The following LARP1B variants were observed in gnomAD, a reference collection of about 807,000 sequenced individuals.
LARP1B encodes La ribonucleoprotein 1B.
Under a neutral mutation model 114.2 loss-of-function variants are expected in LARP1B, and 76 were observed. The ratio of observed to expected loss-of-function variants is 0.67; its 90% CI spans 0.55 to 0.81. The LOEUF is 0.81. LARP1B is among the 30% of genes least tolerant of loss of function. LARP1B has a pLI of 0.00. For synonymous variants in LARP1B, 345 were observed against 348.0 expected, an observed-to-expected ratio of 0.99 and a Z score of 0.10; for missense variants, 1,014 against 1,075.8, an observed-to-expected ratio of 0.94 and a Z score of 0.80.
At chr4:128,117,998 C>T (rs1024934696) in intron 10 of LARP1B, among the ~76,000 whole-genome samples, 8 of 149,010 alleles carry the variant, frequency 5.4e-5, no homozygotes, top group Non-Finnish European at 1.0e-4. Context: ...TCACTGCAGC[C>T]TCTGCCTCCT....
At chr4:128,113,817 G>A (rs1281058899) in intron 9 of LARP1B, among the ~76,000 whole-genome samples, 1 of 106,866 alleles carries the variant, frequency 9.4e-6, no homozygotes, top group Admixed American at 1.2e-4. Context: ...ATGGAGTTTC[G>A]CTTTTGTTGC....
At chr4:128,101,136 C>G (rs1003460338) in intron 8 of LARP1B, among the ~76,000 whole-genome samples, 17 of 149,514 alleles carry the variant, frequency 1.1e-4, no homozygotes, top group Middle Eastern at 3.4e-3. Flanking sequence ...TAACAGGCTT[C>G]TTTGAATAGC....
chr4:128,219,651 G>C (rs929744456), intron 6 of LARP1B, among the ~76,000 whole-genome samples: 3 of 111,424 alleles, frequency 2.7e-5, no homozygotes, highest in Non-Finnish European at 3.6e-5. Flanking sequence ...GTGGTGGGGT[G>C]GGGGGAGGGG....
chr4:128,206,622 T>C (rs1393231554), intron 18 of LARP1B, 85 bp downstream of exon 18: 2 of 1,503,684 alleles, frequency 1.3e-6, no homozygotes, highest in African/African-American at 2.8e-5. Context: ...GTTCATAGTT[T>C]TTTTCTTCAG....
chr4:128,178,781 A>G, intron 14 of LARP1B, 139 bp downstream of exon 14: 1 of 781,606 alleles, frequency 1.3e-6, no homozygotes. Flanking sequence ...ACTTTACCAT[A>G]GTGATATTTT....
At position 128,210,406 on chromosome 4, in the gene LARP1B, A is replaced by G. The variant is rs766311221; in HGVS notation, c.*353A>G. 1.1e-4 allele frequency: 111 copies of G among 1,053,870 alleles called. No homozygotes were observed. Among genetic ancestry groups the G allele is most frequent in the Admixed American group, 1.5e-4 (3 of 20,422 alleles). 65.3% of individuals were successfully genotyped at this position (1,053,870 alleles called of 1,614,324 possible). A position where few individuals can be genotyped will look rare whatever the true frequency, so the allele number is the denominator to read the frequency against. On this transcript the variant is annotated 3_prime_UTR_variant, in exon 20 of 20. Coordinates refer to ENST00000326639, the MANE Select transcript of LARP1B (RefSeq NM_018078.4). ...ATATATTTAAAAAACAATACAAGGA[A>G]TGCCTAACATTTCAGCTCATACTTC...
chr4:128,088,903 C>T lies in LARP1B; in HGVS notation c.359-2098C>T, dbSNP rs188046858. ...ATCTGGGAGGGGGAGGTGGGTGGAT[C>T]GCTTGAGCTCAGGAGTTTGAGACCA... On this transcript the variant is annotated intron_variant, in intron 5 of 19. Coordinates refer to ENST00000326639, the MANE Select transcript of LARP1B (RefSeq NM_018078.4). 2.2e-3 allele frequency among the ~76,000 whole-genome samples: 329 copies of T among 151,906 alleles called. 3 individuals are homozygous for T. Among genetic ancestry groups the T allele is most frequent in the Middle Eastern group, 0.01 (3 of 294 alleles).
intron 11 of LARP1B, among the ~76,000 whole-genome samples, chr4:128,126,973 G>C (rs1220046038): frequency 6.6e-6 from 1 of 151,790 alleles, no homozygotes; most frequent in African/African-American, 2.4e-5. Context: ...ACTGAGGAGA[G>C]GTGTCAGAGT....
intron 13 of LARP1B, among the ~76,000 whole-genome samples, chr4:128,177,731 G>A (rs1746835555): frequency 6.6e-6 from 1 of 152,122 alleles, no homozygotes; most frequent in Non-Finnish European, 1.5e-5. Flanking sequence ...GTGTAAGTTG[G>A]TGAAATCATT....
chr4:128,066,330 C>G (rs1471414463), intron 1 of LARP1B, among the ~76,000 whole-genome samples: 1 of 151,910 alleles, frequency 6.6e-6, no homozygotes, highest in Non-Finnish European at 1.5e-5. Context: ...GCGCCTGCCA[C>G]CATGCCCGGC....
chr4:128,177,851 A>G (rs968720767), intron 13 of LARP1B, among the ~76,000 whole-genome samples: 2 of 152,168 alleles, frequency 1.3e-5, no homozygotes, highest in African/African-American at 2.4e-5. Flanking sequence ...GTACCTGTAC[A>G]GAGACATGTT....
chr4:128,093,334 C>T (rs564843135), intron 7 of LARP1B, among the ~76,000 whole-genome samples: 8 of 152,082 alleles, frequency 5.3e-5, no homozygotes, highest in Non-Finnish European at 7.4e-5. Flanking sequence ...CGGTGGCTCA[C>T]GCCTGTAATC....
chr4:128,207,138 G>A, intron 18 of LARP1B, 118 bp from the exon 19 acceptor site: 1 of 469,596 alleles, frequency 2.1e-6, no homozygotes, highest in Non-Finnish European at 3.6e-6. Flanking sequence ...TTATTCTCAA[G>A]ATCTAGAGTA....
Position 128,198,976 on chromosome 4 carries a change from G to A in LARP1B, c.2004-463G>A, listed in dbSNP as rs560798898. 2.6e-4 allele frequency among the ~76,000 whole-genome samples: 40 copies of A among 152,272 alleles called. 1 individual carries two copies. Among genetic ancestry groups the A allele is most frequent in the African/African-American group, 9.6e-4 (40 of 41,564 alleles). ...TTGCAGGTTCTGTCTTACTTTTGATGCCTTTAGAAAAAAAGAAAATTGCAG... is the reference window on the plus strand; with the variant it reads ...TTGCAGGTTCTGTCTTACTTTTGATACCTTTAGAAAAAAAGAAAATTGCAG... On this transcript the variant is annotated intron_variant, in intron 15 of 19. Coordinates refer to ENST00000326639, the MANE Select transcript of LARP1B (RefSeq NM_018078.4).
chr4:128,083,590 C>T (rs1457993806), intron 5 of LARP1B, among the ~76,000 whole-genome samples: 5 of 148,872 alleles, frequency 3.4e-5, no homozygotes, highest in African/African-American at 1.2e-4. Context: ...CCCCACCTCC[C>T]TCCCAGACGG....
rs34649655 is a variant in LARP1B, at chr4:128,159,177, G to GA, written c.1525-3003dup. Among the ~76,000 whole-genome samples the GA allele has an allele frequency of 7.6e-3, 886 of 117,150 alleles. 9 individuals are homozygous for GA. The highest frequency in any genetic ancestry group is 0.011 in the Non-Finnish European group (622 of 55,240). 76.9% of individuals were successfully genotyped at this position (117,150 alleles called of 152,430 possible). ...AACAGAGCAAGACCCTGTCTCTAGGGAAAAAAAAAAAAAAGGAAATATGTT... is the reference window on the plus strand; with the variant it reads ...AACAGAGCAAGACCCTGTCTCTAGGGAAAAAAAAAAAAAAAGGAAATATGTT... On this transcript the variant is annotated intron_variant, in intron 11 of 19. Coordinates refer to ENST00000326639, the MANE Select transcript of LARP1B (RefSeq NM_018078.4).
At chr4:128,123,838 C>G (rs60995278) in intron 11 of LARP1B, 4,260 of 286,952 alleles carry the variant, frequency 0.015, 171 homozygotes, top group African/African-American at 0.092. Flanking sequence ...AAATTATAGA[C>G]AATAATTAAA....
Position 128,126,682 on chromosome 4 carries a change from A to G in LARP1B, c.1524+4494A>G, listed in dbSNP as rs556768711. Among the ~76,000 whole-genome samples the G allele has an allele frequency of 7.9e-5, 12 of 152,324 alleles. No homozygotes were observed. In the East Asian group the frequency reaches 2.3e-3, roughly 29 times the overall value. Reference sequence around the variant, plus strand: ...TTCAGAAATTTCCACAGAGTAGCAAAGAAATAGAATATATGAAAAGAGGAT... The same window carrying G: ...TTCAGAAATTTCCACAGAGTAGCAAGGAAATAGAATATATGAAAAGAGGAT... On this transcript the variant is annotated intron_variant, in intron 11 of 19. Coordinates refer to ENST00000326639, the MANE Select transcript of LARP1B (RefSeq NM_018078.4).
At chr4:128,123,669 TTG>T (rs1447426003) in intron 11 of LARP1B, 1 of 808,442 alleles carries the variant, frequency 1.2e-6, no homozygotes, top group Non-Finnish European at 1.5e-6. Context: ...CAATTCATGT[TTG>T]TGGGTAAATA....
Sources: allele counts gnomAD v4.1 joint callset (sites outside exome capture counted in the v4.1 genomes callset), GRCh38; gene constraint gnomAD v4.1.1; transcripts MANE v1.5; gene names NCBI Gene and HGNC (gene_info 2026-07-23, HGNC 2026-07-21).